Variants in CABCOCO1 observed in about 807,000 individuals in gnomAD.
CABCOCO1 encodes the protein ciliary-associated calcium-binding coiled-coil protein 1.
A neutral mutation model predicts 35.7 loss-of-function variants in CABCOCO1; 28 were observed. The ratio of observed to expected loss-of-function variants is 0.78; its 90% CI spans 0.58 to 1.07. The LOEUF (loss-of-function observed/expected upper bound fraction) is 1.07. Among genes scored for constraint, CABCOCO1 ranks in the 50% least tolerant of loss-of-function variants. The probability of loss-of-function intolerance (pLI) is 0.00; values close to 1 mark genes in which losing one functional copy is unlikely to be tolerated. For missense variants in CABCOCO1, 326 were observed against 309.2 expected (o/e 1.05, Z -0.41); for synonymous variants, 95 against 100.1 (o/e 0.95, Z 0.30).
chr10:61,765,374 G>A (rs949811588), intron 7 of CABCOCO1, among the ~76,000 whole-genome samples: 6 of 152,070 alleles, frequency 3.9e-5, no homozygotes, highest in African/African-American at 1.5e-4. Flanking sequence ...AAACCTGAGA[G>A]CAATTGCTTA....
At chr10:61,720,891 C>A (rs1424969426) in intron 5 of CABCOCO1, among the ~76,000 whole-genome samples, 2 of 124,052 alleles carry the variant, frequency 1.6e-5, no homozygotes, top group African/African-American at 5.5e-5. Context: ...TCACCCACCT[C>A]TGCTTTTTCT....
intron 2 of CABCOCO1, among the ~76,000 whole-genome samples, chr10:61,676,713 A>G (rs576147844): frequency 6.6e-6 from 1 of 152,296 alleles, no homozygotes; most frequent in South Asian, 2.1e-4. Context: ...AAAGTAACCT[A>G]TAGAGGACAT....
chr10:61,682,885 A>ATTTTTTTT (rs1554821774), intron 3 of CABCOCO1, among the ~76,000 whole-genome samples: 2 of 43,614 alleles, frequency 4.6e-5, no homozygotes, highest in African/African-American at 6.5e-5. Context: ...TTTCACATGA[A>ATTTTTTTT]TTTCTTTTTT....
intron 7 of CABCOCO1, among the ~76,000 whole-genome samples, chr10:61,765,209 T>G (rs1204663588): frequency 6.6e-6 from 1 of 152,164 alleles, no homozygotes; most frequent in Admixed American, 6.6e-5. Context: ...TTTCTGTATG[T>G]AATTTTATTA....
intron 2 of CABCOCO1, among the ~76,000 whole-genome samples, chr10:61,680,857 C>T (rs929586499): frequency 1.3e-4 from 19 of 146,754 alleles, no homozygotes; most frequent in Non-Finnish European, 2.6e-4. Context: ...AGTAAAATTG[C>T]TATACATAAA....
chr10:61,764,546 G>A (rs2094436309), intron 7 of CABCOCO1, among the ~76,000 whole-genome samples: 1 of 151,956 alleles, frequency 6.6e-6, no homozygotes, highest in Admixed American at 6.6e-5. Flanking sequence ...AGGTGACGTA[G>A]CTGAACTAGT....
At chr10:61,739,242 C>T (rs981911078) in intron 5 of CABCOCO1, among the ~76,000 whole-genome samples, 1 of 152,092 alleles carries the variant, frequency 6.6e-6, no homozygotes, top group Non-Finnish European at 1.5e-5. Flanking sequence ...GAATCTTGCT[C>T]GAGAGGTTGA....
chr10:61,707,478 T>G (rs1183271545), intron 5 of CABCOCO1, among the ~76,000 whole-genome samples: 2 of 152,196 alleles, frequency 1.3e-5, no homozygotes, highest in Admixed American at 1.3e-4. Flanking sequence ...CACCTGTGGA[T>G]GTCCAGAGGA....
At chr10:61,760,682 G>A (rs1841990996) in intron 6 of CABCOCO1, among the ~76,000 whole-genome samples, 181 bp from the exon 7 acceptor site, 1 of 152,054 alleles carries the variant, frequency 6.6e-6, no homozygotes, top group Non-Finnish European at 1.5e-5. Context: ...ATGACAGGTT[G>A]ATAGGTGCAG....
chr10:61,668,319 TGTTA>T (rs1359858328), intron 1 of CABCOCO1, among the ~76,000 whole-genome samples: 1 of 152,000 alleles, frequency 6.6e-6, no homozygotes, highest in Non-Finnish European at 1.5e-5. Flanking sequence ...TTTCCTTTTT[TGTTA>T]GTTCAGGGTT....
chr10:61,727,497 T>C (rs1841185865), intron 5 of CABCOCO1, among the ~76,000 whole-genome samples: 1 of 152,150 alleles, frequency 6.6e-6, no homozygotes, highest in Admixed American at 6.5e-5. Flanking sequence ...AAACCCCTTA[T>C]ACACAGAATT....
At chr10:61,726,151 CA>C (rs1220471468) in intron 5 of CABCOCO1, among the ~76,000 whole-genome samples, 1 of 152,096 alleles carries the variant, frequency 6.6e-6, no homozygotes, top group Non-Finnish European at 1.5e-5. Context: ...AGATTTGTTC[CA>C]AGAAGTTAAT....
intron 5 of CABCOCO1, among the ~76,000 whole-genome samples, chr10:61,695,701 A>G (rs1458482747): frequency 6.6e-6 from 1 of 152,066 alleles, no homozygotes; most frequent in Admixed American, 6.6e-5. Flanking sequence ...TAATAATGAG[A>G]GCCAGAGGAC....
chr10:61,670,033 G>A (rs919902907), intron 1 of CABCOCO1, among the ~76,000 whole-genome samples: 4 of 152,020 alleles, frequency 2.6e-5, no homozygotes, highest in Non-Finnish European at 5.9e-5. Flanking sequence ...TTTTCATCAT[G>A]CTCCACTATC....
intron 5 of CABCOCO1, among the ~76,000 whole-genome samples, chr10:61,736,822 A>G (rs1400977215): frequency 6.6e-6 from 1 of 152,086 alleles, no homozygotes; most frequent in East Asian, 1.9e-4. Context: ...TTCTTTGAGC[A>G]GTGTTTTGTA....
intron 5 of CABCOCO1, among the ~76,000 whole-genome samples, chr10:61,746,643 T>C (rs1841668377): frequency 6.6e-6 from 1 of 152,170 alleles, no homozygotes; most frequent in African/African-American, 2.4e-5. Context: ...TAAGCATCCA[T>C]GTTTTGTCTT....
chr10:61,740,672 T>C (rs560569869), intron 5 of CABCOCO1, among the ~76,000 whole-genome samples: 1 of 152,324 alleles, frequency 6.6e-6, no homozygotes, highest in East Asian at 1.9e-4. Context: ...TGGGATTATA[T>C]GCAGGGTACC....
chr10:61,680,247 G>A (rs975311289), intron 2 of CABCOCO1, among the ~76,000 whole-genome samples: 3 of 149,068 alleles, frequency 2.0e-5, no homozygotes, highest in Non-Finnish European at 3.0e-5. Context: ...GAGAGGCAGC[G>A]GTTGCAGTGA....
intron 1 of CABCOCO1, among the ~76,000 whole-genome samples, chr10:61,672,017 C>T (rs1195274827): frequency 6.6e-6 from 1 of 152,218 alleles, no homozygotes; most frequent in African/African-American, 2.4e-5. Flanking sequence ...TAGTCACCCT[C>T]ATGTAACCTA....
Sources: allele counts gnomAD v4.1 joint callset (sites outside exome capture counted in the v4.1 genomes callset), GRCh38; gene constraint gnomAD v4.1.1; transcripts MANE v1.5; gene names NCBI Gene and HGNC (gene_info 2026-07-23, HGNC 2026-07-21).